DOCK5: variants seen among roughly 807,000 people sequenced by gnomAD.
DOCK5 encodes dedicator of cytokinesis 5.
A neutral mutation model predicts 251.8 loss-of-function variants in DOCK5; 142 were observed. The observed-to-expected ratio is 0.56, with a 90% CI of 0.49 to 0.65. The LOEUF is 0.65. Among genes scored for constraint, DOCK5 ranks in the 30% least tolerant of loss-of-function variants. DOCK5 has a pLI of 0.00. For missense variants in DOCK5, 2,111 were observed against 2,312.3 expected (o/e 0.91, Z 1.79); for synonymous variants, 842 against 835.5 (o/e 1.01, Z -0.13).
chr8:25,250,719 C>A (rs6989175), intron 2 of DOCK5, among the ~76,000 whole-genome samples: 35,012 of 151,980 alleles, frequency 0.23, 5,383 homozygotes, highest in African/African-American at 0.43. Flanking sequence ...ATAGACAAAA[C>A]CAAGTAAACA....
chr8:25,272,619 A>C (rs1380013899), intron 3 of DOCK5, among the ~76,000 whole-genome samples: 1 of 152,184 alleles, frequency 6.6e-6, no homozygotes, highest in African/African-American at 2.4e-5. Flanking sequence ...CCTTGTAACT[A>C]AACAGTTTAT....
At chr8:25,389,437 T>G (rs1801219857) in intron 41 of DOCK5, among the ~76,000 whole-genome samples, 1 of 152,146 alleles carries the variant, frequency 6.6e-6, no homozygotes, top group East Asian at 1.9e-4. Flanking sequence ...AGAGGAGAGA[T>G]AATAGACAAA....
At chr8:25,367,399 C>T (rs1017510504) in intron 31 of DOCK5, among the ~76,000 whole-genome samples, 1 of 152,190 alleles carries the variant, frequency 6.6e-6, no homozygotes, top group Non-Finnish European at 1.5e-5. Context: ...TTAAAATGCC[C>T]TCCAGATTCC....
Position 25,351,745 on chromosome 8 carries a change from G to A in DOCK5, c.2769G>A (p.Val923=). 1 of 1,613,676 alleles carries A rather than the reference G, an allele frequency of 6.2e-7. No individual in the cohort carries two copies. Among genetic ancestry groups the A allele is most frequent in the African/African-American group, 1.3e-5 (1 of 75,058 alleles). ...LDRKDVGATA[V]HIQLIMERLL... is the part of the protein sequence containing the mutation. ...GTTCCCTGCAGGGTGCCACTGCGGT[G>A]CACATTCAGCTTATAATGGAACGGC... The change falls in exon 27 of 52, where the codon GTG becomes GTA. Residue 923 remains valine, a synonymous_variant. Coordinates refer to ENST00000276440, the MANE Select transcript of DOCK5 (RefSeq NM_024940.8).
intron 25 of DOCK5, 120 bp from the exon 26 acceptor site, chr8:25,345,355 G>A (rs1372427299): frequency 2.8e-6 from 4 of 1,429,622 alleles, no homozygotes; most frequent in Non-Finnish European, 3.8e-6. Flanking sequence ...CTGCATCCCT[G>A]CAGGGCTGAT....
intron 29 of DOCK5, 36 bp from the exon 30 acceptor site, chr8:25,364,590 C>G (rs117836119): frequency 0.014 from 21,480 of 1,486,138 alleles, 227 homozygotes; most frequent in South Asian, 0.024. Context: ...AAAGGACATA[C>G]AGTTGGCTTC....
chr8:25,230,105 A>G (rs972637793), intron 1 of DOCK5, among the ~76,000 whole-genome samples: 1 of 152,218 alleles, frequency 6.6e-6, no homozygotes, highest in South Asian at 2.1e-4. Flanking sequence ...GTGATTAAAT[A>G]TTATGTAATA....
chr8:25,352,543 TTTACTTCCTATA>T (rs2117251723), intron 27 of DOCK5, among the ~76,000 whole-genome samples: 1 of 152,240 alleles, frequency 6.6e-6, no homozygotes, highest in Admixed American at 6.5e-5. Context: ...TGAAGCATCT[TTTACTTCCTATA>T]TTAAAAGCTT....
chr8:25,215,964 C>A (rs1586234394), intron 1 of DOCK5, among the ~76,000 whole-genome samples: 2 of 149,566 alleles, frequency 1.3e-5, no homozygotes, highest in East Asian at 3.9e-4. Context: ...CACACACACA[C>A]ACACACACGT....
Position 25,411,274 on chromosome 8 carries a change from T to TA in DOCK5, c.5590dup (p.Thr1864AsnfsTer20), listed in dbSNP as rs1466613453. Reference sequence around the variant, plus strand: ...CAAAGGCTCGGAAGTCTGGCATCCCTACTTCCGAGCCTGGATCCCAGTAAG... The same window carrying TA: ...CAAAGGCTCGGAAGTCTGGCATCCCTAACTTCCGAGCCTGGATCCCAGTAAG... On this transcript the variant is annotated frameshift_variant, in exon 52 of 52. Coordinates refer to ENST00000276440, the MANE Select transcript of DOCK5 (RefSeq NM_024940.8). LOFTEE classifies it high-confidence loss of function. The TA allele has an allele frequency of 6.4e-7, 1 of 1,569,724 alleles. No homozygotes were observed. The highest frequency in any genetic ancestry group is 1.4e-5 in the African/African-American group (1 of 72,146).
chr8:25,193,253 T>C (rs1168496020), intron 1 of DOCK5, among the ~76,000 whole-genome samples: 1 of 152,212 alleles, frequency 6.6e-6, no homozygotes, highest in African/African-American at 2.4e-5. Flanking sequence ...TGTTTGTGTT[T>C]AAAGTTACCT....
At chr8:25,362,452 CTTTTCTTTTCTTTTTT>C (rs1800701667) in intron 28 of DOCK5, among the ~76,000 whole-genome samples, 1 of 107,128 alleles carries the variant, frequency 9.3e-6, no homozygotes, top group South Asian at 3.3e-4. Flanking sequence ...CTTTTCTTTT[CTTTTCTTTTCTTTTTT>C]TTTTTTTTTT....
At chr8:25,395,476 A>T in intron 44 of DOCK5, 67 bp from the exon 45 acceptor site, 1 of 1,531,374 alleles carries the variant, frequency 6.5e-7, no homozygotes, top group African/African-American at 1.4e-5. Flanking sequence ...GGGAAGAGTT[A>T]AACTTTTTTC....
At chr8:25,302,173 A>T (rs1176787555) in intron 9 of DOCK5, among the ~76,000 whole-genome samples, 152 bp from the exon 10 acceptor site, 1 of 152,190 alleles carries the variant, frequency 6.6e-6, no homozygotes, top group South Asian at 2.1e-4. Context: ...TAGCTCTTGG[A>T]TGGAGATGGG....
Position 25,308,846 on chromosome 8 carries a change from C to T in DOCK5, c.1113C>T (p.His371=), listed in dbSNP as rs756264814. The T allele has an allele frequency of 3.0e-5, 49 of 1,613,876 alleles. 1 individual carries two copies. Among genetic ancestry groups the T allele is most frequent in the South Asian group, 1.6e-4 (15 of 91,080 alleles). ...QLIMSPLITS[H]VIGENEPLTS... ...TCATGTCGCCTTTGATAACATCACACGTGATTGGGGAGAATGAGCCACTCA... is the reference window on the plus strand; with the variant it reads ...TCATGTCGCCTTTGATAACATCACATGTGATTGGGGAGAATGAGCCACTCA... Residue 371 remains histidine (H), a synonymous_variant, in exon 12 of 52, where the codon CAC becomes CAT. Transcript: ENST00000276440.
chr8:25,362,462 C>CTTTTTTTT (rs869096662), intron 28 of DOCK5, among the ~76,000 whole-genome samples: 26 of 54,632 alleles, frequency 4.8e-4, no homozygotes, highest in Non-Finnish European at 7.2e-4. Context: ...CTTTTCTTTT[C>CTTTTTTTT]TTTTTTTTTT....
intron 7 of DOCK5, among the ~76,000 whole-genome samples, chr8:25,297,870 TAGTG>T (rs1357149507): frequency 1.3e-5 from 2 of 151,766 alleles, no homozygotes; most frequent in East Asian, 1.9e-4. Flanking sequence ...AATAGTGACA[TAGTG>T]AGACCCCATT....
chr8:25,208,583 A>AT (rs1802056574), intron 1 of DOCK5, among the ~76,000 whole-genome samples: 4 of 152,274 alleles, frequency 2.6e-5, no homozygotes, highest in East Asian at 1.9e-4. Flanking sequence ...GATCATATGC[A>AT]TTTTTTTAGC....
At chr8:25,265,309 T>A (rs567950755) in intron 2 of DOCK5, among the ~76,000 whole-genome samples, 1 of 152,006 alleles carries the variant, frequency 6.6e-6, no homozygotes, top group East Asian at 1.9e-4. Flanking sequence ...AGGCCTCCTC[T>A]AACTACCTTC....
Sources: allele counts gnomAD v4.1 joint callset (sites outside exome capture counted in the v4.1 genomes callset), GRCh38; gene constraint gnomAD v4.1.1; transcripts MANE v1.5; gene names NCBI Gene and HGNC (gene_info 2026-07-23, HGNC 2026-07-21).